IL13RA2: variants seen among roughly 807,000 people sequenced by gnomAD.
IL13RA2 encodes the protein interleukin 13 receptor subunit alpha 2.
In IL13RA2, 25 loss-of-function variants were observed where a neutral mutation model predicts 34.1. That is an observed-to-expected ratio of 0.73 (90% CI 0.53 to 1.03). The LOEUF is 1.03. IL13RA2 is among the 50% of genes least tolerant of loss of function. The pLI, the probability that IL13RA2 is intolerant of heterozygous loss-of-function variation, is 0.00. For missense variants in IL13RA2, 297 were observed against 280.9 expected (o/e 1.06, Z -0.41); for synonymous variants, 106 against 100.4 (o/e 1.06, Z -0.33).
At chrX:115,014,265 T>TA (rs782530987) in intron 4 of IL13RA2, among the ~76,000 whole-genome samples, 156 bp downstream of exon 4, 4 of 111,860 alleles carry the variant, frequency 3.6e-5, no homozygotes, top group Non-Finnish European at 7.5e-5. Context: ...TAAAGAATTT[T>TA]AAAAGGCTAA....
In IL13RA2 at chrX:115,004,056, C is replaced by T. The variant is rs782688179; in HGVS notation, c.*24G>A. On this transcript the variant is annotated 3_prime_UTR_variant, in exon 10 of 10. Transcript: ENST00000243213. ...TGACTGGAAACTGTTGAGTCAATAC[C>T]ATGTCTCTTGATATGGAAAGTCTTC... is the stretch of plus-strand genomic sequence containing the variant. 1.0e-6 allele frequency: 1 copy of T among 965,864 alleles called. No homozygotes were observed. Among genetic ancestry groups the T allele is most frequent in the Admixed American group, 2.3e-5 (1 of 43,619 alleles). 79.6% of individuals were successfully genotyped at this position (965,864 alleles called of 1,213,427 possible). A position where few individuals can be genotyped will look rare whatever the true frequency, so the allele number is the denominator to read the frequency against.
intron 1 of IL13RA2, 42 bp downstream of exon 1, chrX:115,017,511 G>T: frequency 3.5e-6 from 1 of 287,719 alleles, no homozygotes; most frequent in Admixed American, 6.8e-5. Flanking sequence ...CTGCTTACAA[G>T]AATAAAAACA....
chrX:115,017,058 T>C (rs2071730911), intron 2 of IL13RA2, 118 bp downstream of exon 2: 1 of 472,420 alleles, frequency 2.1e-6, no homozygotes, highest in Non-Finnish European at 3.7e-6. Context: ...TAACAATTCA[T>C]CTACTAGTTA....
chrX:115,015,930 T>A lies in IL13RA2; in HGVS notation c.95-109A>T. ...CCAATTGATTAACAGATAAACAAAA[T>A]GTGCTACATGCATACAATCAAATAT... On this transcript the variant is annotated intron_variant, in intron 2 of 9. Transcript: ENST00000243213. The A allele has an allele frequency of 1.6e-5, 8 of 501,466 alleles. No homozygotes were observed. The South Asian group carries it at 2.6e-4, about 16-fold the overall frequency. 41.3% of individuals were successfully genotyped at this position (501,466 alleles called of 1,213,427 possible). A position where few individuals can be genotyped will look rare whatever the true frequency, so the allele number is the denominator to read the frequency against.
intron 9 of IL13RA2, 61 bp from the exon 10 acceptor site, chrX:115,004,167 T>C: frequency 1.6e-6 from 1 of 613,044 alleles, no homozygotes; most frequent in South Asian, 2.5e-5. Context: ...TCACTGAAGA[T>C]TAACAACTCA....
At chrX:115,017,099 G>C in intron 2 of IL13RA2, 77 bp downstream of exon 2, 1 of 578,075 alleles carries the variant, frequency 1.7e-6, no homozygotes, top group East Asian at 3.4e-5. Context: ...AGGTCAAAAA[G>C]ACAGTTAATT....
At chrX:115,015,056 T>TAG (rs782177450) in intron 3 of IL13RA2, among the ~76,000 whole-genome samples, 2 of 111,844 alleles carry the variant, frequency 1.8e-5, no homozygotes, top group East Asian at 5.6e-4. Flanking sequence ...TCCTGATACC[T>TAG]AGTAGAGTGC....
chrX:115,005,471 C>G (rs2071681914), intron 8 of IL13RA2, among the ~76,000 whole-genome samples, 156 bp from the exon 9 acceptor site: 1 of 112,255 alleles, frequency 8.9e-6, no homozygotes, highest in South Asian at 3.7e-4. Flanking sequence ...TTGAGTATAG[C>G]GTTCCTTTCA....
chrX:115,004,127 A>T (rs781812898), intron 9 of IL13RA2, 21 bp from the exon 10 acceptor site: 109 of 897,441 alleles, frequency 1.2e-4, no homozygotes, highest in Non-Finnish European at 1.6e-6. Context: ...CTCTGTTATT[A>T]ACAAGTCATC....
chrX:115,010,631 T>G lies in IL13RA2; in HGVS notation c.706+13A>C. 1.4e-6 allele frequency: 1 copy of G among 739,159 alleles called. No homozygotes were observed. Among genetic ancestry groups the G allele is most frequent in the South Asian group, 3.1e-5 (1 of 32,719 alleles). The allele number at this position is 739,159 out of a possible 1,213,427, so 60.9% of individuals were successfully genotyped here. A position where few individuals can be genotyped will look rare whatever the true frequency, so the allele number is the denominator to read the frequency against. On this transcript the variant is annotated intron_variant, in intron 6 of 9. Coordinates refer to ENST00000243213, the MANE Select transcript of IL13RA2 (RefSeq NM_000640.3). Reference sequence around the variant, plus strand: ...AAACAATGAATTTGAAGTTGTTTGTTGGTTTACATCACCTATATTTTGAAG... The same window carrying G: ...AAACAATGAATTTGAAGTTGTTTGTGGGTTTACATCACCTATATTTTGAAG...
intron 5 of IL13RA2, among the ~76,000 whole-genome samples, chrX:115,012,565 G>T (rs1472089208): frequency 8.9e-6 from 1 of 111,735 alleles, no homozygotes; most frequent in Non-Finnish European, 1.9e-5. Flanking sequence ...AGGAGCTTGA[G>T]ACCAGCATGG....
At chrX:115,009,460 T>C in intron 7 of IL13RA2, 61 bp downstream of exon 7, 2 of 973,951 alleles carry the variant, frequency 2.1e-6, no homozygotes, top group East Asian at 6.2e-5. Flanking sequence ...GGTTCTCACA[T>C]TTGCTATTTT....
intron 9 of IL13RA2, 110 bp from the exon 10 acceptor site, chrX:115,004,216 C>G (rs782350473): frequency 3.1e-5 from 13 of 426,025 alleles, no homozygotes; most frequent in Non-Finnish European, 5.4e-5. Context: ...CAAAGTGAAG[C>G]ATTCTATACA....
chrX:115,009,253 A>G (rs2071696606), intron 7 of IL13RA2, among the ~76,000 whole-genome samples: 1 of 109,716 alleles, frequency 9.1e-6, no homozygotes, highest in African/African-American at 3.3e-5. Flanking sequence ...CCTCTCCACA[A>G]TCCATCTTAA....
At chrX:115,005,466 T>C in intron 8 of IL13RA2, 151 bp from the exon 9 acceptor site, 1 of 457,332 alleles carries the variant, frequency 2.2e-6, no homozygotes, top group East Asian at 3.8e-5. Context: ...TGTGTTTGAG[T>C]ATAGCGTTCC....
intron 9 of IL13RA2, among the ~76,000 whole-genome samples, chrX:115,004,957 T>C (rs782572264): frequency 6.2e-5 from 7 of 112,777 alleles, no homozygotes; most frequent in Non-Finnish European, 1.3e-4. Flanking sequence ...GGCCAAATAG[T>C]ATTTCATGTT....
intron 6 of IL13RA2, among the ~76,000 whole-genome samples, chrX:115,010,006 T>C (rs1483338481): frequency 8.9e-6 from 1 of 112,024 alleles, no homozygotes; most frequent in Non-Finnish European, 1.9e-5. Context: ...CTTTTACAAA[T>C]AGATAACCCT....
chrX:115,012,081 A>G (rs1440402968), intron 5 of IL13RA2, among the ~76,000 whole-genome samples: 1 of 112,602 alleles, frequency 8.9e-6, no homozygotes, highest in Non-Finnish European at 1.9e-5. Flanking sequence ...ATGCTAGAGC[A>G]GGGATTAGAA....
Position 115,010,819 on chromosome X carries a change from G to A in IL13RA2, c.531C>T (p.Gly177=). 9.6e-7 allele frequency: 1 copy of A among 1,039,212 alleles called. No homozygotes were observed. The allele number at this position is 1,039,212 out of a possible 1,213,427, so 85.6% of individuals were successfully genotyped here. A position where few individuals can be genotyped will look rare whatever the true frequency, so the allele number is the denominator to read the frequency against. Residue 177 remains glycine, a synonymous_variant, in exon 6 of 10, where the codon GGC becomes GGT. Coordinates refer to ENST00000243213, the MANE Select transcript of IL13RA2 (RefSeq NM_000640.3). The part of the protein sequence containing the change: ...TNYNLFYWYE[G]LDHALQCVDY... The stretch of plus-strand genomic sequence containing the variant: ...CAACACACTGTAATGCATGATCCAA[G>A]CCCTCATACCTGTAAAATGAGTGTT...
Sources: gnomAD v4.1 joint callset for allele counts (sites outside exome capture counted in the v4.1 genomes callset) on GRCh38, gnomAD v4.1.1 for gene constraint, MANE v1.5 for transcripts, NCBI Gene and HGNC (gene_info 2026-07-23, HGNC 2026-07-21) for gene names.